DPP10: variants seen among roughly 807,000 people sequenced by gnomAD.
DPP10 encodes the protein inactive dipeptidyl peptidase 10.
In DPP10, 33 loss-of-function variants were observed where a neutral mutation model predicts 120.9. That is an observed-to-expected ratio of 0.27 (90% CI 0.21 to 0.37). The LOEUF (loss-of-function observed/expected upper bound fraction) is 0.37. Ranked by LOEUF, DPP10 falls within the 10% of genes least tolerant of loss-of-function variation. DPP10 has a pLI of 1.00. For missense variants in DPP10, 816 were observed against 942.8 expected, an observed-to-expected ratio of 0.87 and a Z score of 1.76; for synonymous variants, 337 against 326.1, an observed-to-expected ratio of 1.03 and a Z score of -0.36.
At chr2:115,556,029 G>T (rs532918792) in intron 5 of DPP10, among the ~76,000 whole-genome samples, 7 of 152,202 alleles carry the variant, frequency 4.6e-5, no homozygotes, top group Admixed American at 2.6e-4. Context: ...ATAGCCATTT[G>T]AGGGTCCCCA....
intron 3 of DPP10, among the ~76,000 whole-genome samples, chr2:115,413,368 A>C (rs1191276541): frequency 3.3e-5 from 5 of 152,190 alleles, no homozygotes; most frequent in African/African-American, 4.8e-5. Flanking sequence ...ATGAATCAGT[A>C]AAATCCATGA....
chr2:114,536,831 C>G (rs1686543481), intron 1 of DPP10, among the ~76,000 whole-genome samples: 1 of 152,126 alleles, frequency 6.6e-6, no homozygotes, highest in South Asian at 2.1e-4. Flanking sequence ...ATCCTTCTGT[C>G]TTTTCCTGAT....
At chr2:115,323,323 G>T (rs966789252) in intron 2 of DPP10, among the ~76,000 whole-genome samples, 1 of 152,132 alleles carries the variant, frequency 6.6e-6, no homozygotes, top group African/African-American at 2.4e-5. Flanking sequence ...TTTTGAGATT[G>T]CAGCAGTTCA....
At chr2:115,736,061 G>A (rs1354587788) in intron 8 of DPP10, among the ~76,000 whole-genome samples, 1 of 151,938 alleles carries the variant, frequency 6.6e-6, no homozygotes, top group Non-Finnish European at 1.5e-5. Flanking sequence ...CACAATGGTG[G>A]GGAGAAAATT....
At chr2:115,625,726 G>T (rs1369665709) in intron 5 of DPP10, among the ~76,000 whole-genome samples, 3 of 151,976 alleles carry the variant, frequency 2.0e-5, no homozygotes, top group Non-Finnish European at 2.9e-5. Context: ...AATGCCTAGG[G>T]TTTTAAATTC....
At chr2:114,528,151 A>G (rs1381966547) in intron 1 of DPP10, among the ~76,000 whole-genome samples, 1 of 152,034 alleles carries the variant, frequency 6.6e-6, no homozygotes, top group Non-Finnish European at 1.5e-5. Context: ...CTTTACAGCC[A>G]CCTCCCATAC....
chr2:115,118,772 TGTGTG>T (rs2049665542), intron 1 of DPP10, among the ~76,000 whole-genome samples: 1 of 151,144 alleles, frequency 6.6e-6, no homozygotes, highest in South Asian at 2.1e-4. Flanking sequence ...TGTGTGTGTG[TGTGTG>T]TGTGTGTGTG....
chr2:114,950,292 CT>C lies in DPP10; in HGVS notation c.61-358926del, dbSNP rs35889704. On this transcript the variant is annotated intron_variant, in intron 1 of 25. Coordinates refer to ENST00000410059, the MANE Select transcript of DPP10 (RefSeq NM_020868.6). The stretch of plus-strand genomic sequence containing the variant: ...TAAAAAATAATGAGACCACACCTTG[CT>C]TTTTTTTTTTTTTTTTTTTTGAGAG... Among the ~76,000 whole-genome samples, 373 of 90,794 alleles carry C rather than the reference CT, an allele frequency of 4.1e-3. 1 individual carries two copies. The highest frequency in any genetic ancestry group is 0.014 in the African/African-American group (332 of 23,690). 59.6% of individuals were successfully genotyped at this position (90,794 alleles called of 152,430 possible). A position where few individuals can be genotyped will look rare whatever the true frequency, so the allele number is the denominator to read the frequency against.
At chr2:115,457,496 T>TA (rs1558689553) in intron 3 of DPP10, among the ~76,000 whole-genome samples, 1 of 152,096 alleles carries the variant, frequency 6.6e-6, no homozygotes, top group African/African-American at 2.4e-5. Flanking sequence ...AAATGTATTT[T>TA]AAAAAATCAA....
chr2:115,325,019 A>T (rs2062275681), intron 2 of DPP10, among the ~76,000 whole-genome samples: 1 of 152,150 alleles, frequency 6.6e-6, no homozygotes, highest in Non-Finnish European at 1.5e-5. Flanking sequence ...GCTCCCCAAG[A>T]CAACTACAAT....
chr2:114,599,178 C>T (rs543691629), intron 1 of DPP10, among the ~76,000 whole-genome samples: 25 of 151,642 alleles, frequency 1.6e-4, no homozygotes, highest in Admixed American at 2.0e-4. Context: ...TCAAGAAAAA[C>T]GAGGAAGTCA....
intron 7 of DPP10, among the ~76,000 whole-genome samples, chr2:115,710,298 G>A (rs536655970): frequency 5.3e-5 from 8 of 152,136 alleles, no homozygotes; most frequent in South Asian, 2.1e-4. Flanking sequence ...TGTATAAAAC[G>A]TATTACTGTT....
chr2:115,059,455 T>A (rs566420893), intron 1 of DPP10, among the ~76,000 whole-genome samples: 3 of 151,224 alleles, frequency 2.0e-5, no homozygotes, highest in Non-Finnish European at 2.9e-5. Flanking sequence ...CTAGGACAAG[T>A]GCTTTGTGTG....
chr2:114,803,706 A>G (rs1684467668), intron 1 of DPP10, among the ~76,000 whole-genome samples: 1 of 152,228 alleles, frequency 6.6e-6, no homozygotes, highest in South Asian at 2.1e-4. Context: ...CTGGCTGAAG[A>G]AATTTCTAAG....
chr2:115,834,134 T>TA (rs1689208626), intron 21 of DPP10, among the ~76,000 whole-genome samples: 2 of 152,200 alleles, frequency 1.3e-5, no homozygotes, highest in Non-Finnish European at 2.9e-5. Context: ...GAGTACTATC[T>TA]AAATATTCCA....
chr2:114,538,669 C>T (rs1250775949), intron 1 of DPP10, among the ~76,000 whole-genome samples: 3 of 152,162 alleles, frequency 2.0e-5, no homozygotes. Flanking sequence ...ACTGCAATCT[C>T]AGAATCATTA....
intron 10 of DPP10, among the ~76,000 whole-genome samples, chr2:115,750,670 A>G (rs1173269440): frequency 6.6e-6 from 1 of 152,234 alleles, no homozygotes; most frequent in Non-Finnish European, 1.5e-5. Context: ...ATGATTTTCA[A>G]GTTAACAGTT....
intron 1 of DPP10, among the ~76,000 whole-genome samples, chr2:115,229,959 T>C (rs2057655889): frequency 6.6e-6 from 1 of 151,834 alleles, no homozygotes; most frequent in South Asian, 2.1e-4. Flanking sequence ...CTGTGAAGAA[T>C]GGCATTCGTA....
intron 3 of DPP10, among the ~76,000 whole-genome samples, chr2:115,464,461 G>C (rs1459141788): frequency 1.3e-5 from 2 of 151,534 alleles, no homozygotes; most frequent in Non-Finnish European, 2.9e-5. Context: ...CGGTACAGGA[G>C]AACTAGCACC....
Sources: allele counts gnomAD v4.1 joint callset (sites outside exome capture counted in the v4.1 genomes callset), GRCh38; gene constraint gnomAD v4.1.1; transcripts MANE v1.5; gene names NCBI Gene and HGNC (gene_info 2026-07-23, HGNC 2026-07-21).